Variants in GABRG1 observed in about 807,000 individuals in gnomAD.
The protein encoded by GABRG1 is gamma-aminobutyric acid receptor subunit gamma-1.
In GABRG1, 49 loss-of-function variants were observed where a neutral mutation model predicts 49.8. The ratio of observed to expected loss-of-function variants is 0.98; its 90% CI spans 0.78 to 1.25. The LOEUF (loss-of-function observed/expected upper bound fraction) is 1.25. Among genes scored for constraint, GABRG1 ranks in the 50% most tolerant of loss-of-function variants. GABRG1 has a pLI of 0.00. For missense variants in GABRG1, 552 were observed against 552.3 expected (o/e 1.00, Z 0.01); for synonymous variants, 232 against 185.1 (o/e 1.25, Z -2.06).
intron 6 of GABRG1, 52 bp downstream of exon 6, chr4:46,058,433 A>G: frequency 6.3e-7 from 1 of 1,596,818 alleles, no homozygotes; most frequent in Non-Finnish European, 8.5e-7. Flanking sequence ...TATTTAAAAT[A>G]AAAATGTCAT....
At chr4:46,105,644 A>T (rs1314064006) in intron 1 of GABRG1, among the ~76,000 whole-genome samples, 2 of 151,470 alleles carry the variant, frequency 1.3e-5, no homozygotes, top group African/African-American at 4.8e-5. Flanking sequence ...TATTTATACC[A>T]CCATAATTAA....
intron 2 of GABRG1, among the ~76,000 whole-genome samples, chr4:46,095,424 T>G (rs576988941): frequency 6.6e-6 from 1 of 151,700 alleles, no homozygotes; most frequent in East Asian, 2.0e-4. Flanking sequence ...TTGAAAAAAA[T>G]GTATCAATGT....
At chr4:46,060,973 T>A (rs1057505677) in intron 5 of GABRG1, among the ~76,000 whole-genome samples, 3 of 152,150 alleles carry the variant, frequency 2.0e-5, no homozygotes, top group African/African-American at 7.2e-5. Flanking sequence ...GATGGCTGAA[T>A]TCTCTACTGG....
intron 1 of GABRG1, among the ~76,000 whole-genome samples, chr4:46,120,554 A>C (rs777310612): frequency 6.6e-6 from 1 of 151,706 alleles, no homozygotes; most frequent in Non-Finnish European, 1.5e-5. Flanking sequence ...ATATTTAACT[A>C]TCATGGAATA....
chr4:46,039,211 A>T lies in GABRG1; in HGVS notation c.*1777T>A, dbSNP rs114425753. The T allele has an allele frequency of 1.4e-3, 217 of 151,810 alleles. No individual in the cohort carries two copies. The highest frequency in any genetic ancestry group is 5.1e-3 in the African/African-American group (213 of 41,528). The allele number at this position is 151,810 out of a possible 1,614,324, so 9.4% of individuals were successfully genotyped here. ...ATGTATGAATAATCTGTAAATGAAT[A>T]TATAGATGGCCAAAGTTTAGTTTGG... On this transcript the variant is annotated 3_prime_UTR_variant, in exon 9 of 9. Transcript: ENST00000295452.
At position 46,037,623 on chromosome 4, in the gene GABRG1, T is replaced by C. The variant is rs1717580904; in HGVS notation, c.*3365A>G. On this transcript the variant is annotated 3_prime_UTR_variant, in exon 9 of 9. Transcript: ENST00000295452. ...TGAAATAATTTCAAATGTAGTATTT[T>C]TTTACAGGAAATTTTGTAAGAGTAA... 1 of 151,784 alleles carries C rather than the reference T, an allele frequency of 6.6e-6. No homozygotes were observed. Among genetic ancestry groups the C allele is most frequent in the African/African-American group, 2.4e-5 (1 of 41,408 alleles). The allele number at this position is 151,784 out of a possible 1,614,324, so 9.4% of individuals were successfully genotyped here.
chr4:46,117,610 C>A (rs34956353), intron 1 of GABRG1, among the ~76,000 whole-genome samples: 103,896 of 139,450 alleles, frequency 0.75, 38,947 homozygotes, highest in Admixed American at 0.82. Context: ...CTCTCTCTCT[C>A]TCTATATATA....
In GABRG1 at chr4:46,064,552, T is replaced by C. The variant is rs377251996; in HGVS notation, c.543-29A>G. 91 of 1,131,048 alleles carry C rather than the reference T, an allele frequency of 8.0e-5. No homozygotes were observed. In the African/African-American group the frequency reaches 1.2e-3, roughly 15 times the overall value. The allele number at this position is 1,131,048 out of a possible 1,614,324, so 70.1% of individuals were successfully genotyped here. A position where few individuals can be genotyped will look rare whatever the true frequency, so the allele number is the denominator to read the frequency against. ...TTTAGATGGAAAGAAAAGTATTAAA[T>C]AAAGATAAATAATTTGAAGCATTAA... On this transcript the variant is annotated intron_variant, in intron 4 of 8. Coordinates refer to ENST00000295452, the MANE Select transcript of GABRG1 (RefSeq NM_173536.4).
In GABRG1 at chr4:46,064,520, C is replaced by A; in HGVS notation, c.546G>T (p.Leu182Phe). Residue 182 changes from leucine to phenylalanine, a missense_variant, in exon 5 of 9, where the codon TTG becomes TTT. Transcript: ENST00000295452. The stretch of plus-strand genomic sequence containing the variant: ...GAAGATAACATTCTGCATTAATTGT[C>A]AATCTATTTAGATGGAAAGAAAAGT... The part of the protein sequence containing the change: ...NDGRVLYTLR[L>F]TINAECYLQL... The A allele has an allele frequency of 6.8e-7, 1 of 1,475,448 alleles. No individual in the cohort carries two copies. The highest frequency in any genetic ancestry group is 2.5e-5 in the East Asian group (1 of 39,806). The allele number at this position is 1,475,448 out of a possible 1,614,324, so 91.4% of individuals were successfully genotyped here.
intron 8 of GABRG1, among the ~76,000 whole-genome samples, chr4:46,048,420 A>AAGGAAGGT (rs1166849684): frequency 2.9e-5 from 4 of 139,922 alleles, no homozygotes; most frequent in Admixed American, 7.2e-5. Flanking sequence ...GGAAGGAAGG[A>AAGGAAGGT]AGGTTCTTCC....
chr4:46,042,509 TA>T (rs1717824313), intron 8 of GABRG1, among the ~76,000 whole-genome samples: 1 of 151,964 alleles, frequency 6.6e-6, no homozygotes, highest in South Asian at 2.1e-4. Context: ...GCCAATTTTA[TA>T]AAAATTGTTT....
intron 2 of GABRG1, among the ~76,000 whole-genome samples, chr4:46,096,456 A>T (rs35905363): frequency 6.6e-6 from 1 of 151,728 alleles, no homozygotes; most frequent in South Asian, 2.1e-4. Context: ...TTCACTGCCC[A>T]TATAGATACA....
chr4:46,049,715 T>C (rs1247069334), intron 8 of GABRG1, among the ~76,000 whole-genome samples: 2 of 151,934 alleles, frequency 1.3e-5, no homozygotes, highest in Admixed American at 6.6e-5. Context: ...TGATGAATGA[T>C]TGAATAACAT....
chr4:46,086,960 T>TATG (rs35128823), intron 2 of GABRG1, among the ~76,000 whole-genome samples: 88,053 of 151,152 alleles, frequency 0.58, 26,345 homozygotes, highest in African/African-American at 0.69. Context: ...GAGCAGCCTC[T>TATG]ATGATTTTCT....
chr4:46,111,196 C>T (rs868750468), intron 1 of GABRG1, among the ~76,000 whole-genome samples: 18 of 150,976 alleles, frequency 1.2e-4, no homozygotes, highest in African/African-American at 3.1e-4. Flanking sequence ...AATTTCTATA[C>T]GAAAATAATG....
At chr4:46,098,592 GA>G (rs1720269206) in intron 1 of GABRG1, among the ~76,000 whole-genome samples, 1 of 151,708 alleles carries the variant, frequency 6.6e-6, no homozygotes, top group Non-Finnish European at 1.5e-5. Context: ...GAATTGCTAA[GA>G]AATACATCAA....
intron 5 of GABRG1, among the ~76,000 whole-genome samples, chr4:46,062,145 T>C (rs1718720477): frequency 6.6e-6 from 1 of 151,178 alleles, no homozygotes; most frequent in Non-Finnish European, 1.5e-5. Context: ...TTTGTCCTTG[T>C]GATAGTTTAC....
rs1718213108 is a variant in GABRG1, at chr4:46,051,406, T to TTTTTC, written c.1131+13_1131+17dup. The TTTTTC allele has an allele frequency of 1.3e-5, 20 of 1,544,904 alleles. No homozygotes were observed. The highest frequency in any genetic ancestry group is 1.8e-5 in the Non-Finnish European group (20 of 1,140,628). On this transcript the variant is annotated intron_variant, in intron 8 of 8. Transcript: ENST00000295452. ...TAAGTTGAGGTTTATAAAATAGAAA[T>TTTTTC]TTTTCTTTTTAACATACCGAGGCTT...
intron 7 of GABRG1, among the ~76,000 whole-genome samples, chr4:46,053,940 T>C (rs1718344355): frequency 2.0e-5 from 3 of 152,058 alleles, no homozygotes; most frequent in African/African-American, 7.2e-5. Context: ...ATCATTGCTA[T>C]ATTCTCCATG....
Sources: allele counts gnomAD v4.1 joint callset (sites outside exome capture counted in the v4.1 genomes callset), GRCh38; gene constraint gnomAD v4.1.1; transcripts MANE v1.5; gene names NCBI Gene and HGNC (gene_info 2026-07-23, HGNC 2026-07-21).